The following HECW1 variants were observed in gnomAD, a reference collection of about 807,000 sequenced individuals.
The protein encoded by HECW1 is E3 ubiquitin-protein ligase HECW1.
HECW1 carries 61 observed loss-of-function variants against 182.3 expected under a neutral mutation model. The observed-to-expected ratio is 0.33, with a 90% CI of 0.27 to 0.41. HECW1 has a LOEUF of 0.41. Ranked by LOEUF, HECW1 falls within the 10% of genes least tolerant of loss-of-function variation. The probability of loss-of-function intolerance (pLI) is 1.00; values close to 1 mark genes in which losing one functional copy is unlikely to be tolerated. For synonymous variants in HECW1, 859 were observed against 832.6 expected (o/e 1.03, Z -0.55); for missense variants, 1,739 against 2,108.9 (o/e 0.82, Z 3.44).
chr7:43,379,494 C>T (rs2152826329), intron 6 of HECW1, among the ~76,000 whole-genome samples: 1 of 152,294 alleles, frequency 6.6e-6, no homozygotes, highest in South Asian at 2.1e-4. Flanking sequence ...CCTCTCCGCT[C>T]AATCACTTCC....
At chr7:43,524,792 G>A (rs138866714) in intron 24 of HECW1, among the ~76,000 whole-genome samples, 143 of 152,330 alleles carry the variant, frequency 9.4e-4, no homozygotes, top group African/African-American at 3.3e-3. Context: ...GCTCTCCCGT[G>A]TGCTTGTAAT....
chr7:43,417,342 A>C (rs2076044904), intron 8 of HECW1, among the ~76,000 whole-genome samples: 1 of 152,038 alleles, frequency 6.6e-6, no homozygotes, highest in Admixed American at 6.6e-5. Flanking sequence ...GAGCCACCAC[A>C]CCTGGCCTCT....
intron 2 of HECW1, among the ~76,000 whole-genome samples, chr7:43,142,465 C>T (rs988679505): frequency 6.6e-6 from 1 of 152,052 alleles, no homozygotes; most frequent in Admixed American, 6.6e-5. Context: ...TCCTCCCTTC[C>T]GAGGGTCGAG....
intron 3 of HECW1, among the ~76,000 whole-genome samples, chr7:43,307,881 T>TATATATATAC (rs1554349671): frequency 6.9e-5 from 5 of 72,374 alleles, no homozygotes; most frequent in African/African-American, 2.3e-4. Flanking sequence ...TTTCACTATA[T>TATATATATAC]ATATATATAT....
At chr7:43,229,175 C>T (rs1797677226) in intron 2 of HECW1, among the ~76,000 whole-genome samples, 2 of 152,182 alleles carry the variant, frequency 1.3e-5, no homozygotes, top group Non-Finnish European at 2.9e-5. Flanking sequence ...CTCTCTCCTC[C>T]TTCCCTATGT....
rs560813142 is a variant in HECW1, at chr7:43,392,530, C to A, written c.556-4284C>A. The stretch of plus-strand genomic sequence containing the variant: ...TTCATATTTGTTTTTAAAATAAAGA[C>A]AATTTAACCCAAAATTTTGGGTAAA... On this transcript the variant is annotated intron_variant, in intron 6 of 29. Coordinates refer to ENST00000395891, the MANE Select transcript of HECW1 (RefSeq NM_015052.5). Among the ~76,000 whole-genome samples, 10 of 152,312 alleles carry A rather than the reference C, an allele frequency of 6.6e-5. No homozygotes were observed. In the East Asian group the frequency reaches 1.7e-3, roughly 26 times the overall value.
At chr7:43,434,794 C>G (rs2076659656) in intron 8 of HECW1, among the ~76,000 whole-genome samples, 1 of 152,136 alleles carries the variant, frequency 6.6e-6, no homozygotes, top group African/African-American at 2.4e-5. Context: ...CAGAAGCTCC[C>G]ACTAAGTTTC....
intron 2 of HECW1, among the ~76,000 whole-genome samples, chr7:43,229,945 G>T (rs1237367487): frequency 6.6e-6 from 1 of 152,128 alleles, no homozygotes; most frequent in African/African-American, 2.4e-5. Context: ...GGTAACTTTT[G>T]CACCAGCCTA....
At chr7:43,299,635 T>C (rs1365303167) in intron 3 of HECW1, among the ~76,000 whole-genome samples, 1 of 152,238 alleles carries the variant, frequency 6.6e-6, no homozygotes, top group African/African-American at 2.4e-5. Context: ...CAGAAGAGAC[T>C]TTCTGTTAAA....
intron 4 of HECW1, among the ~76,000 whole-genome samples, chr7:43,312,775 C>T (rs962842396): frequency 6.6e-6 from 1 of 152,182 alleles, no homozygotes; most frequent in Non-Finnish European, 1.5e-5. Context: ...TTTTGAAAAT[C>T]TTATAATTAT....
In HECW1 at chr7:43,463,686, C is replaced by A; in HGVS notation, c.2678C>A (p.Ala893Glu). 3 of 1,613,956 alleles carry A rather than the reference C, an allele frequency of 1.9e-6. No homozygotes were observed. Among genetic ancestry groups the A allele is most frequent in the Non-Finnish European group, 2.5e-6 (3 of 1,179,946 alleles). ...TATCAAAACATTCAGCGAACCATTG[C>A]AACAGAGAGGTCCGAAGAAGATTCT... is the stretch of plus-strand genomic sequence containing the variant. ...RRYQNIQRTI[A>E]TERSEEDSGS... is the part of the protein sequence containing the mutation. The change falls in exon 14 of 30, where the codon GCA becomes GAA. Residue 893 changes from alanine to glutamate, a missense_variant. Around this residue, in one of 5 missense-constraint regions of HECW1, gnomAD observed 971 missense variants for 1,029.1 expected, o/e 0.94. Transcript: ENST00000395891.
intron 6 of HECW1, among the ~76,000 whole-genome samples, chr7:43,392,448 A>C (rs2075070659): frequency 6.6e-6 from 1 of 152,236 alleles, no homozygotes; most frequent in Admixed American, 6.5e-5. Flanking sequence ...AAGTTCTTCG[A>C]AATCTCCTGC....
At chr7:43,290,507 C>G (rs1584347670) in intron 3 of HECW1, among the ~76,000 whole-genome samples, 1 of 152,158 alleles carries the variant, frequency 6.6e-6, no homozygotes, top group African/African-American at 2.4e-5. Context: ...GTTAGCTGTG[C>G]CTAAACTCCA....
chr7:43,336,813 G>A (rs757247289), intron 5 of HECW1, among the ~76,000 whole-genome samples: 2 of 152,106 alleles, frequency 1.3e-5, no homozygotes, highest in Non-Finnish European at 1.5e-5. Context: ...TTGATTTGCT[G>A]TTTCTGAGTT....
At chr7:43,407,854 T>G (rs2075663649) in intron 8 of HECW1, 123 bp downstream of exon 8, 2 of 882,568 alleles carry the variant, frequency 2.3e-6, no homozygotes, top group South Asian at 3.8e-5. Context: ...ATGGCTGTCA[T>G]GGTCTTAGAA....
At chr7:43,164,521 ACT>A (rs939432937) in intron 2 of HECW1, among the ~76,000 whole-genome samples, 2 of 151,774 alleles carry the variant, frequency 1.3e-5, no homozygotes, top group African/African-American at 4.8e-5. Flanking sequence ...GTGTGCCCAG[ACT>A]CCCCTCAGTG....
At chr7:43,147,286 C>T (rs1035801995) in intron 2 of HECW1, among the ~76,000 whole-genome samples, 6 of 151,722 alleles carry the variant, frequency 4.0e-5, no homozygotes, top group Non-Finnish European at 8.8e-5. Context: ...TCTTGCATTA[C>T]AGTAAATAAT....
chr7:43,242,192 A>C (rs1345164881), intron 2 of HECW1, among the ~76,000 whole-genome samples: 1 of 152,248 alleles, frequency 6.6e-6, no homozygotes, highest in Non-Finnish European at 1.5e-5. Context: ...GAAGGGCGAC[A>C]TCAGGTTTCC....
At chr7:43,489,597 C>T (rs1174656705) in intron 17 of HECW1, among the ~76,000 whole-genome samples, 1 of 152,218 alleles carries the variant, frequency 6.6e-6, no homozygotes, top group East Asian at 1.9e-4. Flanking sequence ...AAAATCTACT[C>T]CCTTGTCCTT....
Sources: allele counts gnomAD v4.1 joint callset (sites outside exome capture counted in the v4.1 genomes callset), GRCh38; gene constraint gnomAD v4.1.1; regional missense constraint gnomAD v4.1.1; transcripts MANE v1.5; gene names NCBI Gene and HGNC (gene_info 2026-07-23, HGNC 2026-07-21).